The following SLFN14 variants were observed in gnomAD, a reference collection of about 807,000 sequenced individuals.
SLFN14 encodes schlafen family member 14, also known as protein SLFN14.
In SLFN14, 47 loss-of-function variants were observed where a neutral mutation model predicts 58.6. The observed-to-expected ratio is 0.80, with a 90% CI of 0.64 to 1.02. The LOEUF (loss-of-function observed/expected upper bound fraction) is 1.02. SLFN14 is among the 50% of genes least tolerant of loss of function. The pLI is 0.00. For missense variants in SLFN14, 967 were observed against 1,078.4 expected (o/e 0.90, Z 1.45); for synonymous variants, 390 against 387.3 (o/e 1.01, Z -0.08).
intron 3 of SLFN14, among the ~76,000 whole-genome samples, chr17:35,555,318 G>A (rs1296624736): frequency 1.3e-5 from 2 of 151,526 alleles, no homozygotes; most frequent in Non-Finnish European, 2.9e-5. Context: ...CTTGCAGTGA[G>A]CCGAGATAGC....
chr17:35,552,986 C>T lies in SLFN14; in HGVS notation c.1648G>A (p.Val550Met). Residue 550 changes from valine to methionine, a missense_variant, in exon 5 of 6, where the codon GTG (valine) becomes ATG (methionine). Coordinates refer to ENST00000674182, the MANE Select transcript of SLFN14 (RefSeq NM_001129820.2). The stretch of plus-strand genomic sequence containing the variant: ...AGAGATCTGGAGGACAGGGAGACCA[C>T]CACCAGAGCCTGCAGCAAGTCTTCC... ...EMEDLLQALV[V>M]VSLSSRSLLS... 1 of 1,551,582 alleles carries T rather than the reference C, an allele frequency of 6.4e-7. No individual in the cohort carries two copies. The highest frequency in any genetic ancestry group is 1.2e-5 in the South Asian group (1 of 84,058).
chr17:35,553,595 TC>T, intron 4 of SLFN14, 151 bp from the exon 5 acceptor site: 3 of 649,826 alleles, frequency 4.6e-6, no homozygotes, highest in Non-Finnish European at 7.7e-6. Context: ...GCAGTTTTAC[TC>T]CCCAACTCTC....
intron 3 of SLFN14, 82 bp from the exon 4 acceptor site, chr17:35,554,786 T>C (rs2072634815): frequency 8.1e-7 from 1 of 1,233,668 alleles, no homozygotes; most frequent in Non-Finnish European, 1.1e-6. Context: ...TTTTTGGCTC[T>C]TCTTACTGGA....
chr17:35,545,614 C>A lies in SLFN14; in HGVS notation c.*2625G>T, dbSNP rs566832683. On this transcript the variant is annotated 3_prime_UTR_variant, in exon 6 of 6. Transcript: ENST00000674182. ...GGCTCAAGTGATCCTCCCACCTTGGCCTCTGGAGTAGCTAGGATTAAAAGC... is the reference window on the plus strand; with the variant it reads ...GGCTCAAGTGATCCTCCCACCTTGGACTCTGGAGTAGCTAGGATTAAAAGC... Among the ~76,000 whole-genome samples, 1 of 152,182 alleles carries A rather than the reference C, an allele frequency of 6.6e-6. No homozygotes were observed. Among genetic ancestry groups the A allele is most frequent in the African/African-American group, 2.4e-5 (1 of 41,536 alleles).
Position 35,549,064 on chromosome 17 carries a change from G to T in SLFN14, c.1914C>A (p.Thr638=), listed in dbSNP as rs1001441. Residue 638 remains threonine (T), a synonymous_variant, in exon 6 of 6, where the codon ACC becomes ACA. Coordinates refer to ENST00000674182, the MANE Select transcript of SLFN14 (RefSeq NM_001129820.2). ...TTTTCCTGGTCACAGCTTGGCAGGT[G>T]GTTTGTTGGCTGTAAGGACGGAAAA... is the stretch of plus-strand genomic sequence containing the variant. ...DSLKDFVTQQ[T]TCQAVTRKTF... is the part of the protein sequence containing the mutation. 7 of 1,551,012 alleles carry T rather than the reference G, an allele frequency of 4.5e-6. No homozygotes were observed. The highest frequency in any genetic ancestry group is 1.2e-5 in the South Asian group (1 of 84,040).
At position 35,548,705 on chromosome 17, in the gene SLFN14, GA is replaced by G; in HGVS notation, c.2272del (p.Ser758LeufsTer5). The G allele has an allele frequency of 6.4e-7, 1 of 1,551,732 alleles. No individual in the cohort carries two copies. The highest frequency in any genetic ancestry group is 2.4e-5 in the East Asian group (1 of 40,930). On this transcript the variant is annotated frameshift_variant, in exon 6 of 6. Coordinates refer to ENST00000674182, the MANE Select transcript of SLFN14 (RefSeq NM_001129820.2). LOFTEE classifies it low-confidence loss of function (END_TRUNC). ...GCTGAACAATGCTAATGTGTCTGGA[GA>G]CATGTTGGAGGGAGGATTTTCTTTG... ...RIKENPPSNM[S>X]PDTLALFSET...
In SLFN14 at chr17:35,546,344, G is replaced by C. The variant is rs1449512991; in HGVS notation, c.*1895C>G. On this transcript the variant is annotated 3_prime_UTR_variant, in exon 6 of 6. Transcript: ENST00000674182. ...CACCAGGTAATTAGAGCAGTAGGAA[G>C]CAAGGGAGAGGTTTTTCTTTTCAAC... Among the ~76,000 whole-genome samples, 1 of 152,216 alleles carries C rather than the reference G, an allele frequency of 6.6e-6. No homozygotes were observed. Among genetic ancestry groups the C allele is most frequent in the Non-Finnish European group, 1.5e-5 (1 of 68,034 alleles).
intron 4 of SLFN14, 44 bp from the exon 5 acceptor site, chr17:35,553,488 T>C: frequency 1.4e-6 from 2 of 1,427,690 alleles, no homozygotes; most frequent in South Asian, 1.4e-5. Flanking sequence ...TACAAAAGCA[T>C]GTGGTAAGTA....
Position 35,548,518 on chromosome 17 carries a change from C to T in SLFN14, c.2460G>A (p.Arg820=), listed in dbSNP as rs2072553429. ...YLPKDIAILC[R]RGEDRGRYRL... ...TATAGCGTCCTCTGTCCTCCCCTCT[C>T]CTGCACAGAATTGCTATATCTTTGG... The change falls in exon 6 of 6, where the codon AGG becomes AGA. Residue 820 remains arginine, a synonymous_variant. Transcript: ENST00000674182. 1 of 1,551,756 alleles carries T rather than the reference C, an allele frequency of 6.4e-7. No individual in the cohort carries two copies. The highest frequency in any genetic ancestry group is 8.7e-7 in the Non-Finnish European group (1 of 1,147,006).
intron 5 of SLFN14, 95 bp downstream of exon 5, chr17:35,552,625 CACATATATAT>C (rs1464637843): frequency 7.5e-5 from 27 of 361,898 alleles, no homozygotes; most frequent in Non-Finnish European, 1.1e-4. Context: ...TATATATATA[CACATATATAT>C]ACATATATAT....
chr17:35,552,796 A>G lies in SLFN14; in HGVS notation c.1838T>C (p.Leu613Ser). 6.4e-7 allele frequency: 1 copy of G among 1,551,514 alleles called. No individual in the cohort carries two copies. Among genetic ancestry groups the G allele is most frequent in the Non-Finnish European group, 8.7e-7 (1 of 1,146,954 alleles). ...AIKIMEKIKD[L>S]FHCKPKEILY... ...GATCTCTTTTGGTTTGCAGTGAAAC[A>G]AGTCCTTAATTTTCTCCATGATCTT... Residue 613 changes from leucine to serine, a missense_variant, in exon 5 of 6, where the codon TTG (leucine) becomes TCG (serine). Leu to Ser is a moderately radical substitution (Grantham distance 145, BLOSUM62 -2). Transcript: ENST00000674182.
Position 35,556,253 on chromosome 17 carries a change from G to T in SLFN14, c.1060+750C>A, listed in dbSNP as rs2072651786. On this transcript the variant is annotated intron_variant, in intron 3 of 5. Coordinates refer to ENST00000674182, the MANE Select transcript of SLFN14 (RefSeq NM_001129820.2). ...GGGCTTCGCTATTTTGGCCAGGCTG[G>T]TCTCAAACTCCTGGGCTTAGGCAAT... Among the ~76,000 whole-genome samples the T allele has an allele frequency of 1.3e-5, 2 of 152,028 alleles. 1 individual carries two copies. The highest frequency in any genetic ancestry group is 4.1e-4 in the South Asian group (2 of 4,824).
chr17:35,554,661 T>C lies in SLFN14; in HGVS notation c.1104A>G (p.Ser368=), dbSNP rs2072632219. 4 of 1,495,828 alleles carry C rather than the reference T, an allele frequency of 2.7e-6. No individual in the cohort carries two copies. In the East Asian group the frequency reaches 1.1e-4, roughly 40 times the overall value. 92.7% of individuals were successfully genotyped at this position (1,495,828 alleles called of 1,614,324 possible). A position where few individuals can be genotyped will look rare whatever the true frequency, so the allele number is the denominator to read the frequency against. The change falls in exon 4 of 6, where the codon TCA becomes TCG. Residue 368 remains serine, a synonymous_variant. Transcript: ENST00000674182. ...GACTTTTTCGTGCAGATGAAGCTGA[T>C]GAAATCAGGCAAGAGTTGTAGTCTG... ...LVTDYNSCLI[S]SASSARKSPG... is the part of the protein sequence containing the mutation.
Position 35,544,092 on chromosome 17 carries a change from G to A in SLFN14, c.*4147C>T, listed in dbSNP as rs1337610196. Among the ~76,000 whole-genome samples, 2 of 152,232 alleles carry A rather than the reference G, an allele frequency of 1.3e-5. No individual in the cohort carries two copies. The highest frequency in any genetic ancestry group is 2.4e-5 in the African/African-American group (1 of 41,464). On this transcript the variant is annotated 3_prime_UTR_variant, in exon 6 of 6. Transcript: ENST00000674182. ...AACTTGGCTCCAGGCCATGAGTTGA[G>A]TTCAAGTTGGATTCACATATCTCAG...
rs373537503 is a variant in SLFN14 at position 35,546,838 on chromosome 17, G to GTC, written c.*1400_*1401insGA. On this transcript the variant is annotated 3_prime_UTR_variant, in exon 6 of 6. Transcript: ENST00000674182. ...TCAAAGGTGGAGGGGACAGAAAAGG[G>GTC]TTTAAAGACTGAGAAAATGGCACAG... Among the ~76,000 whole-genome samples, 2 of 152,290 alleles carry GTC rather than the reference G, an allele frequency of 1.3e-5. No individual in the cohort carries two copies. Among genetic ancestry groups the GTC allele is most frequent in the Non-Finnish European group, 2.9e-5 (2 of 68,034 alleles).
chr17:35,554,733 G>T, intron 3 of SLFN14, 29 bp from the exon 4 acceptor site: 13 of 1,228,524 alleles, frequency 1.1e-5, no homozygotes, highest in South Asian at 5.0e-5. Flanking sequence ...AGTTGTTTCA[G>T]ACAAAAAATA....
chr17:35,548,704 A>G lies in SLFN14; in HGVS notation c.2274T>C (p.Ser758=), dbSNP rs1376221575. 6.4e-7 allele frequency: 1 copy of G among 1,551,586 alleles called. No homozygotes were observed. The highest frequency in any genetic ancestry group is 8.7e-7 in the Non-Finnish European group (1 of 1,147,000). The change falls in exon 6 of 6, where the codon TCT becomes TCC. Residue 758 remains serine, a synonymous_variant. Transcript: ENST00000674182. ...RIKENPPSNM[S]PDTLALFSET... ...CGCTGAACAATGCTAATGTGTCTGGAGACATGTTGGAGGGAGGATTTTCTT... is the reference window on the plus strand; with the variant it reads ...CGCTGAACAATGCTAATGTGTCTGGGGACATGTTGGAGGGAGGATTTTCTT...
rs2072531517 is a variant in SLFN14, at chr17:35,545,966, C to T, written c.*2273G>A. On this transcript the variant is annotated 3_prime_UTR_variant, in exon 6 of 6. Coordinates refer to ENST00000674182, the MANE Select transcript of SLFN14 (RefSeq NM_001129820.2). ...ACTGAGTTAGTTATTCTACTTTCATCCTGATTGAATTGTTTCACTAGACTA... is the reference window on the plus strand; with the variant it reads ...ACTGAGTTAGTTATTCTACTTTCATTCTGATTGAATTGTTTCACTAGACTA... 6.6e-6 allele frequency among the ~76,000 whole-genome samples: 1 copy of T among 152,130 alleles called. No homozygotes were observed. The highest frequency in any genetic ancestry group is 1.5e-5 in the Non-Finnish European group (1 of 68,024).
At position 35,548,939 on chromosome 17, in the gene SLFN14, T is replaced by C. The variant is rs557012724; in HGVS notation, c.2039A>G (p.Asn680Ser). Reference protein sequence around the residue: ...KYGNWYMKAKNITHPKAKGTG... With the variant: ...KYGNWYMKAKSITHPKAKGTG... ...CCCCTTCGCCTTTGGATGGGTGATG[T>C]TCTTAGCCTTCATGTACCAATTGCC... Residue 680 changes from asparagine (N) to serine (S), a missense_variant, in exon 6 of 6, where the codon AAC becomes AGC. Coordinates refer to ENST00000674182, the MANE Select transcript of SLFN14 (RefSeq NM_001129820.2). 2 of 1,551,752 alleles carry C rather than the reference T, an allele frequency of 1.3e-6. No homozygotes were observed. The highest frequency in any genetic ancestry group is 2.0e-5 in the Admixed American group (1 of 51,008).
Sources: allele counts gnomAD v4.1 joint callset (sites outside exome capture counted in the v4.1 genomes callset), GRCh38; gene constraint gnomAD v4.1.1; transcripts MANE v1.5; gene names NCBI Gene and HGNC (gene_info 2026-07-23, HGNC 2026-07-21).